ZNF221: variants seen among roughly 807,000 people sequenced by gnomAD.
ZNF221 encodes zinc finger protein 221.
A neutral mutation model predicts 12.6 loss-of-function variants in ZNF221; 10 were observed. The ratio of observed to expected loss-of-function variants is 0.79; its 90% confidence interval spans 0.49 to 1.34. The LOEUF is 1.34. ZNF221 is among the 40% of genes most tolerant of loss of function. ZNF221 has a pLI of 0.00. For synonymous variants in ZNF221, 232 were observed against 244.0 expected (o/e 0.95, Z 0.46); for missense variants, 661 against 721.4 (o/e 0.92, Z 0.96).
At chr19:43,962,578 G>A (rs780083415) in intron 1 of ZNF221, 147 bp from the exon 2 acceptor site, 3 of 726,892 alleles carry the variant, frequency 4.1e-6, no homozygotes, top group East Asian at 5.4e-5. Context: ...CCCGTAGGAG[G>A]GCATTTTGCT....
rs145101462 is a variant in ZNF221, at chr19:43,963,301, A to G, written c.81+494A>G. Among the ~76,000 whole-genome samples the G allele has an allele frequency of 4.9e-3, 748 of 152,338 alleles. 3 individuals are homozygous for G. The highest frequency in any genetic ancestry group is 7.8e-3 in the Non-Finnish European group (534 of 68,028). ...CTGTTTTAAGCAACACTGCTGTGAC[A>G]GCTTTCCTATATATAACCCCTTCCC... On this transcript the variant is annotated intron_variant, in intron 2 of 4. Transcript: ENST00000587682.
chr19:43,951,401 GT>G lies in ZNF221; in HGVS notation c.-3+4del, dbSNP rs1474429346. On this transcript the variant is annotated splice_donor_variant, in intron 1 of 4. Coordinates refer to ENST00000587682, the MANE Select transcript of ZNF221 (RefSeq NM_001297588.2). LOFTEE classifies it low-confidence loss of function (5UTR_SPLICE). ...AAGGAAGCACCGTCGGAAAGCAAAG[GT>G]TTGGAAGGGTGAGGGCGGCGGTTTG... The G allele has an allele frequency of 6.6e-6, 1 of 152,348 alleles. No homozygotes were observed. The highest frequency in any genetic ancestry group is 2.4e-5 in the African/African-American group (1 of 41,464). 9.4% of individuals were successfully genotyped at this position (152,348 alleles called of 1,614,324 possible). A position where few individuals can be genotyped will look rare whatever the true frequency, so the allele number is the denominator to read the frequency against.
chr19:43,954,879 C>A (rs1342334608), intron 1 of ZNF221, among the ~76,000 whole-genome samples: 4 of 152,038 alleles, frequency 2.6e-5, no homozygotes, highest in Non-Finnish European at 5.9e-5. Context: ...CAGGTCTTCC[C>A]CAGATCAACC....
intron 1 of ZNF221, chr19:43,962,106 A>G (rs951501380): frequency 6.5e-6 from 1 of 152,924 alleles, no homozygotes; most frequent in African/African-American, 2.4e-5. Flanking sequence ...TAAATATTCT[A>G]TCAATATGGA....
intron 1 of ZNF221, among the ~76,000 whole-genome samples, chr19:43,958,181 G>A (rs1418333089): frequency 6.6e-6 from 1 of 152,190 alleles, no homozygotes; most frequent in Non-Finnish European, 1.5e-5. Flanking sequence ...ATCTGGATGT[G>A]TACATAACTG....
chr19:43,958,456 C>T (rs530142761), intron 1 of ZNF221, among the ~76,000 whole-genome samples: 31 of 152,266 alleles, frequency 2.0e-4, no homozygotes, highest in African/African-American at 5.3e-4. Flanking sequence ...TTGAGCAGTC[C>T]GCTTTTTCAG....
chr19:43,975,816 G>T, the ZNF221 span, among the ~76,000 whole-genome samples: 1 of 152,122 alleles, frequency 6.6e-6, no homozygotes, highest in East Asian at 1.9e-4. Context: ...CCTTTATTTT[G>T]ATTATTATCT....
the ZNF221 span, among the ~76,000 whole-genome samples, chr19:43,980,464 A>G: frequency 6.6e-6 from 1 of 152,258 alleles, no homozygotes; most frequent in East Asian, 1.9e-4. Context: ...TATGTACTCA[A>G]AAGGAGAAAT....
chr19:43,961,372 A>G (rs781751475), intron 1 of ZNF221, among the ~76,000 whole-genome samples: 2 of 152,232 alleles, frequency 1.3e-5, no homozygotes, highest in South Asian at 2.1e-4. Context: ...AGCTTTCTGC[A>G]TCAAGGAACC....
chr19:43,977,017 A>G, the ZNF221 span: 7 of 152,242 alleles, frequency 4.6e-5, no homozygotes, highest in Non-Finnish European at 8.8e-5. Flanking sequence ...TATTAATATA[A>G]AAACACAAAG....
At chr19:43,981,191 T>A in the ZNF221 span, among the ~76,000 whole-genome samples, 3 of 152,202 alleles carry the variant, frequency 2.0e-5, no homozygotes, top group African/African-American at 7.2e-5. Flanking sequence ...AAAAATGTTC[T>A]ATGTTATTTA....
In ZNF221 at chr19:43,962,825, C is replaced by G. The variant is rs1446346124; in HGVS notation, c.81+18C>G. 6.2e-7 allele frequency: 1 copy of G among 1,605,542 alleles called. No individual in the cohort carries two copies. Among genetic ancestry groups the G allele is most frequent in the Non-Finnish European group, 8.5e-7 (1 of 1,173,976 alleles). On this transcript the variant is annotated intron_variant, in intron 2 of 4. Transcript: ENST00000587682. ...CATTCAAAGTGAGTAGGGCTTGCCT[C>G]TCTTGCTGTTAAAATTCCATCTTAC... is the stretch of plus-strand genomic sequence containing the variant.
At chr19:43,954,369 C>T (rs544422808) in intron 1 of ZNF221, among the ~76,000 whole-genome samples, 2 of 152,194 alleles carry the variant, frequency 1.3e-5, no homozygotes, top group South Asian at 2.1e-4. Context: ...ATTCCTTTAC[C>T]CTCAGCTACC....
downstream of ZNF221, among the ~76,000 whole-genome samples, chr19:43,970,819 T>G (rs1975081866): frequency 6.6e-6 from 1 of 152,034 alleles, no homozygotes; most frequent in African/African-American, 2.4e-5. Flanking sequence ...ATGGGGAGAA[T>G]GGAAACAAGT....
chr19:43,969,334 CTTTTTTTTTTTTTT>C (rs60512580), downstream of ZNF221, among the ~76,000 whole-genome samples: 5 of 57,968 alleles, frequency 8.6e-5, no homozygotes, highest in African/African-American at 2.2e-4. Flanking sequence ...CAGACTGCTG[CTTTTTTTTTTTTTT>C]TTTTTTTTTT....
chr19:43,953,653 T>C (rs1177312980), intron 1 of ZNF221, among the ~76,000 whole-genome samples: 1 of 152,154 alleles, frequency 6.6e-6, no homozygotes, highest in Non-Finnish European at 1.5e-5. Flanking sequence ...ACTCAATTCA[T>C]GAGTATACAA....
intron 1 of ZNF221, among the ~76,000 whole-genome samples, chr19:43,953,913 T>C (rs1233266749): frequency 2.3e-4 from 35 of 151,860 alleles, no homozygotes; most frequent in Non-Finnish European, 1.5e-5. Context: ...GGAAACCCCA[T>C]CTCTACAAAA....
At chr19:43,954,496 C>G (rs1293968755) in intron 1 of ZNF221, among the ~76,000 whole-genome samples, 1 of 152,154 alleles carries the variant, frequency 6.6e-6, no homozygotes, top group Admixed American at 6.5e-5. Context: ...ATGCTTCCCC[C>G]TCAGTTCACC....
chr19:43,971,374 A>G (rs1465871416), downstream of ZNF221, among the ~76,000 whole-genome samples: 1 of 152,234 alleles, frequency 6.6e-6, no homozygotes, highest in Non-Finnish European at 1.5e-5. Flanking sequence ...ACCAGCTAGC[A>G]TCATGATGGC....
Sources: allele counts gnomAD v4.1 joint callset (sites outside exome capture counted in the v4.1 genomes callset), GRCh38; gene constraint gnomAD v4.1.1; transcripts MANE v1.5; gene names NCBI Gene and HGNC (gene_info 2026-07-23, HGNC 2026-07-21).